SLC12A3: variants seen among roughly 807,000 people sequenced by gnomAD.
SLC12A3 encodes the protein solute carrier family 12 member 3.
In SLC12A3, 104 loss-of-function variants were observed where a neutral mutation model predicts 121.0. The ratio of observed to expected loss-of-function variants is 0.86; its 90% CI spans 0.73 to 1.01. SLC12A3 has a LOEUF of 1.01. Ranked by LOEUF, SLC12A3 falls within the 50% of genes least tolerant of loss-of-function variation. The pLI, the probability that SLC12A3 is intolerant of heterozygous loss-of-function variation, is 0.00. For missense variants in SLC12A3, 1,328 were observed against 1,356.3 expected, an observed-to-expected ratio of 0.98 and a Z score of 0.33; for synonymous variants, 536 against 533.4, an observed-to-expected ratio of 1.00 and a Z score of -0.07.
chr16:56,894,661 C>T lies in SLC12A3; in HGVS notation c.2633+19C>T, dbSNP rs1189500162. On this transcript the variant is annotated intron_variant, in intron 22 of 25. Coordinates refer to ENST00000563236, the MANE Select transcript of SLC12A3 (RefSeq NM_001126108.2). ...GAAAGGCGTAAGTGTGGAGGGCTGG[C>T]CTGGGGGTGACTGCAGGGACCAGTG... 1.9e-6 allele frequency: 3 copies of T among 1,587,358 alleles called. No homozygotes were observed. Among genetic ancestry groups the T allele is most frequent in the Non-Finnish European group, 2.6e-6 (3 of 1,156,122 alleles).
At chr16:56,877,597 G>A (rs2055179335) in intron 8 of SLC12A3, among the ~76,000 whole-genome samples, 1 of 152,090 alleles carries the variant, frequency 6.6e-6, no homozygotes, top group Admixed American at 6.5e-5. Flanking sequence ...GGATGTCAAT[G>A]TGGATTAATT....
chr16:56,912,656 G>C (rs1355954836), intron 25 of SLC12A3, among the ~76,000 whole-genome samples: 3 of 152,228 alleles, frequency 2.0e-5, no homozygotes, highest in Admixed American at 6.5e-5. Context: ...CTGGGAAAAG[G>C]GGGGTGAATA....
At chr16:56,869,335 AT>A (rs547766138) in intron 3 of SLC12A3, among the ~76,000 whole-genome samples, 18 of 149,610 alleles carry the variant, frequency 1.2e-4, no homozygotes, top group Non-Finnish European at 1.8e-4. Context: ...ACAGAGACCC[AT>A]TTTTTTTTTG....
chr16:56,880,541 G>T (rs1391828966), intron 12 of SLC12A3, among the ~76,000 whole-genome samples: 2 of 152,148 alleles, frequency 1.3e-5, no homozygotes, highest in Non-Finnish European at 2.9e-5. Flanking sequence ...CCCCCGGTCT[G>T]CGTTCACATG....
rs761245757 is a variant in SLC12A3 at position 56,890,352 on chromosome 16, G to A, written c.2364G>A (p.Ala788=). ...EGLNVSKMMQ[A]HINPVFDPAE... ...TCAACGTGTCCAAGATGATGCAGGC[G>A]CACAGTGAGTACATGCCCCACCCAC... Residue 788 remains alanine, a synonymous_variant, in exon 19 of 26, where the codon GCG becomes GCA. Transcript: ENST00000563236. The A allele has an allele frequency of 5.2e-5, 84 of 1,613,420 alleles. No homozygotes were observed. The highest frequency in any genetic ancestry group is 3.7e-4 in the Admixed American group (22 of 59,992).
intron 25 of SLC12A3, among the ~76,000 whole-genome samples, chr16:56,912,898 G>A (rs562692825): frequency 3.0e-4 from 46 of 152,154 alleles, no homozygotes; most frequent in Non-Finnish European, 6.2e-4. Context: ...TTCCTGGTGG[G>A]TGGGGAGAAC....
At chr16:56,894,197 G>A (rs1212549159) in intron 21 of SLC12A3, among the ~76,000 whole-genome samples, 1 of 151,954 alleles carries the variant, frequency 6.6e-6, no homozygotes, top group Non-Finnish European at 1.5e-5. Context: ...TAGAGATAGG[G>A]TTTTACCATG....
rs150046661 is a variant in SLC12A3 at position 56,872,459 on chromosome 16, C to G, written c.961C>G (p.Arg321Gly). The stretch of plus-strand genomic sequence containing the variant: ...GGCCTCCAAAGGCTTCTTCAGCTAC[C>G]GGGGTATGTGCTGATCAAGGCCCTG... ...DKASKGFFSY[R>G]ADIFVQNLVP... The change falls in exon 7 of 26, where the codon CGG becomes GGG. Residue 321 changes from arginine (R) to glycine (G), a missense_variant. Coordinates refer to ENST00000563236, the MANE Select transcript of SLC12A3 (RefSeq NM_001126108.2). The G allele has an allele frequency of 3.7e-6, 6 of 1,612,016 alleles. No individual in the cohort carries two copies. The highest frequency in any genetic ancestry group is 2.2e-5 in the East Asian group (1 of 44,856).
In SLC12A3 at chr16:56,865,261, C is replaced by A. The variant is rs111313053; in HGVS notation, c.26C>A (p.Thr9Lys). Residue 9 changes from threonine (T) to lysine (K), a missense_variant, in exon 1 of 26, where the codon ACG becomes AAG. Thr to Lys is a moderately conservative substitution (Grantham distance 78). Coordinates refer to ENST00000563236, the MANE Select transcript of SLC12A3 (RefSeq NM_001126108.2). ...ATGGCAGAACTGCCCACAACAGAGACGCCTGGGGACGCCACTTTGTGCAGC... is the reference window on the plus strand; with the variant it reads ...ATGGCAGAACTGCCCACAACAGAGAAGCCTGGGGACGCCACTTTGTGCAGC... MAELPTTE[T>K]PGDATLCSGR... 1.1e-5 allele frequency: 18 copies of A among 1,613,708 alleles called. No individual in the cohort carries two copies. The South Asian group carries it at 2.0e-4, about 18-fold the overall frequency.
intron 10 of SLC12A3, 82 bp downstream of exon 10, chr16:56,879,309 T>C: frequency 6.4e-6 from 10 of 1,568,862 alleles, no homozygotes; most frequent in Non-Finnish European, 8.7e-6. Flanking sequence ...TGGAAGTTTG[T>C]TGGGGGGACA....
chr16:56,872,623 GTGAGC>G (rs755062764), intron 7 of SLC12A3, 28 bp from the exon 8 acceptor site: 1 of 1,614,164 alleles, frequency 6.2e-7, no homozygotes, highest in Non-Finnish European at 8.5e-7. Flanking sequence ...AGCCCTCCAG[GTGAGC>G]CTTACTCATC....
At chr16:56,877,074 G>A (rs8048695) in intron 8 of SLC12A3, among the ~76,000 whole-genome samples, 25,462 of 152,178 alleles carry the variant, frequency 0.17, 2,197 homozygotes, top group South Asian at 0.2. Flanking sequence ...TGCTGTGTTC[G>A]TGAAGGCTTG....
intron 8 of SLC12A3, among the ~76,000 whole-genome samples, chr16:56,877,367 A>G (rs1385204276): frequency 3.9e-5 from 6 of 152,016 alleles, no homozygotes; most frequent in Non-Finnish European, 5.9e-5. Context: ...CTGCACTCCA[A>G]CCTGGGTGAC....
chr16:56,893,201 C>T (rs1161817143), intron 21 of SLC12A3, 147 bp downstream of exon 21: 1 of 645,168 alleles, frequency 1.5e-6, no homozygotes, highest in African/African-American at 1.8e-5. Flanking sequence ...AGGGACCCCT[C>T]TGTCTGGCCT....
chr16:56,894,558 T>C lies in SLC12A3; in HGVS notation c.2549T>C (p.Leu850Pro), dbSNP rs121909379. 1.5e-4 allele frequency: 250 copies of C among 1,613,836 alleles called. No homozygotes were observed. The highest frequency in any genetic ancestry group is 5.3e-4 in the Admixed American group (32 of 59,978). Residue 850 changes from leucine to proline, a missense_variant, in exon 22 of 26, where the codon CTT becomes CCT. Physicochemically the swap from Leu to Pro is moderately conservative, Grantham distance 98. Transcript: ENST00000563236. Reference sequence around the variant, plus strand: ...CTCACCCTCCTCATTCCCTATCTCCTTGGCCGCAAGAGGAGGTGGAGCAAA... The same window carrying C: ...CTCACCCTCCTCATTCCCTATCTCCCTGGCCGCAAGAGGAGGTGGAGCAAA... ...GGLTLLIPYL[L>P]GRKRRWSKCK...
At chr16:56,869,861 G>T (rs758052156) in intron 4 of SLC12A3, 37 bp downstream of exon 4, 6 of 1,568,624 alleles carry the variant, frequency 3.8e-6, no homozygotes, top group Middle Eastern at 1.7e-4. Flanking sequence ...CCCTCCTCTC[G>T]TGGGCTCCTA....
Position 56,878,181 on chromosome 16 carries a change from A to C in SLC12A3, c.1180+20A>C, listed in dbSNP as rs1459814861. 1 of 1,587,890 alleles carries C rather than the reference A, an allele frequency of 6.3e-7. No homozygotes were observed. The highest frequency in any genetic ancestry group is 8.6e-7 in the Non-Finnish European group (1 of 1,158,934). On this transcript the variant is annotated intron_variant, in intron 9 of 25. Transcript: ENST00000563236. ...CCATTGGTAAGTGGCCGGCCCAGCC[A>C]GTCAGGAGGGGGAGGGACCTGGCCT...
In SLC12A3 at chr16:56,865,807, A is replaced by G. The variant is rs548033376; in HGVS notation, c.282+290A>G. ...CAGGTTGCACACCCCTGAAAGAGAC[A>G]GGGCAAGAAGGGCCTGGGAAGGTTC... On this transcript the variant is annotated intron_variant, in intron 1 of 25. Transcript: ENST00000563236. Among the ~76,000 whole-genome samples, 3 of 152,268 alleles carry G rather than the reference A, an allele frequency of 2.0e-5. No individual in the cohort carries two copies. The East Asian group carries it at 5.8e-4, about 29-fold the overall frequency.
chr16:56,899,898 T>C (rs2055515609), intron 23 of SLC12A3, among the ~76,000 whole-genome samples: 1 of 152,192 alleles, frequency 6.6e-6, no homozygotes, highest in Non-Finnish European at 1.5e-5. Context: ...GGGCAACAAC[T>C]TCCTTCCTCC....
Sources: gnomAD v4.1 joint callset for allele counts (sites outside exome capture counted in the v4.1 genomes callset) on GRCh38, gnomAD v4.1.1 for gene constraint, MANE v1.5 for transcripts, NCBI Gene and HGNC (gene_info 2026-07-23, HGNC 2026-07-21) for gene names.